The following SLC18B1 variants were observed in gnomAD, a reference collection of about 807,000 sequenced individuals.
SLC18B1 encodes solute carrier family 18 member B1.
Under a neutral mutation model 53.9 loss-of-function variants are expected in SLC18B1, and 62 were observed. The observed-to-expected ratio is 1.15, with a 90% CI of 0.94 to 1.42. SLC18B1 has a LOEUF of 1.42. Among genes scored for constraint, SLC18B1 ranks in the 40% most tolerant of loss-of-function variants. SLC18B1 has a pLI of 0.00. For missense variants in SLC18B1, 598 were observed against 547.3 expected, an observed-to-expected ratio of 1.09 and a Z score of -0.93; for synonymous variants, 217 against 200.9, an observed-to-expected ratio of 1.08 and a Z score of -0.68.
rs1245604810 is a variant in SLC18B1, at chr6:132,798,459, C to A, written c.-3G>T. ...TCCAGGTCACCCAGCGCCTCCATCC[C>A]CGGTGCGTGGACTCCGGCGCCCCAG... On this transcript the variant is annotated 5_prime_UTR_variant, in exon 1 of 14. Coordinates refer to ENST00000275227, the MANE Select transcript of SLC18B1 (RefSeq NM_052831.3). 11 of 1,519,466 alleles carry A rather than the reference C, an allele frequency of 7.2e-6. No individual in the cohort carries two copies. The highest frequency in any genetic ancestry group is 9.7e-6 in the Non-Finnish European group (11 of 1,129,750). 94.1% of individuals were successfully genotyped at this position (1,519,466 alleles called of 1,614,324 possible).
At position 132,773,098 on chromosome 6, in the gene SLC18B1, G is replaced by T. The variant is rs749874467; in HGVS notation, c.990-10C>A. 2.4e-5 allele frequency: 38 copies of T among 1,600,924 alleles called. No homozygotes were observed. The highest frequency in any genetic ancestry group is 5.1e-6 in the Non-Finnish European group (6 of 1,169,160). The stretch of plus-strand genomic sequence containing the variant: ...CAGCAGCCAGAGCTGACTGCAAAAG[G>T]GTTTTGGAGAAAACAAATACAAAAA... On this transcript the variant is annotated splice_polypyrimidine_tract_variant and intron_variant, in intron 9 of 13. Transcript: ENST00000275227.
At position 132,783,932 on chromosome 6, in the gene SLC18B1, C is replaced by G; in HGVS notation, c.658+1G>C. On this transcript the variant is annotated splice_donor_variant, in intron 6 of 13. Coordinates refer to ENST00000275227, the MANE Select transcript of SLC18B1 (RefSeq NM_052831.3). LOFTEE classifies it high-confidence loss of function. ...AAAATGAGTAATAAGTGTGGACTTA[C>G]CGTAATTGGGTAAAATATACATATT... 6.3e-7 allele frequency: 1 copy of G among 1,583,858 alleles called. No individual in the cohort carries two copies. The highest frequency in any genetic ancestry group is 1.8e-5 in the Admixed American group (1 of 54,494).
At chr6:132,783,073 C>A (rs1339262097) in intron 6 of SLC18B1, among the ~76,000 whole-genome samples, 1 of 152,052 alleles carries the variant, frequency 6.6e-6, no homozygotes, top group Admixed American at 6.6e-5. Context: ...CTGCGCCTAG[C>A]GAAATAATAA....
At position 132,773,120 on chromosome 6, in the gene SLC18B1, A is replaced by G. The variant is rs559279498; in HGVS notation, c.990-32T>C. ...AAGGGTTTTGGAGAAAACAAATACAAAAAGAAAAACATTAGCGTTTTAACA... is the reference window on the plus strand; with the variant it reads ...AAGGGTTTTGGAGAAAACAAATACAGAAAGAAAAACATTAGCGTTTTAACA... On this transcript the variant is annotated intron_variant, in intron 9 of 13. Transcript: ENST00000275227. 3.1e-5 allele frequency: 47 copies of G among 1,507,730 alleles called. No individual in the cohort carries two copies. In the South Asian group the frequency reaches 5.3e-4, roughly 17 times the overall value. 93.4% of individuals were successfully genotyped at this position (1,507,730 alleles called of 1,614,324 possible).
intron 11 of SLC18B1, 92 bp downstream of exon 11, chr6:132,772,040 C>T: frequency 1.2e-6 from 1 of 859,814 alleles, no homozygotes; most frequent in South Asian, 1.7e-5. Context: ...TGCAGTGAGC[C>T]AAGATCGCAC....
intron 4 of SLC18B1, among the ~76,000 whole-genome samples, chr6:132,788,886 A>T (rs1373827270): frequency 1.4e-5 from 2 of 138,026 alleles, no homozygotes; most frequent in Non-Finnish European, 3.1e-5. Context: ...AGAAGAAAGC[A>T]CCCAGTTTCG....
chr6:132,776,305 A>C, intron 8 of SLC18B1, 23 bp downstream of exon 8: 1 of 1,575,952 alleles, frequency 6.3e-7, no homozygotes, highest in South Asian at 1.1e-5. Flanking sequence ...AAAGTGACTC[A>C]AATATAAATT....
At position 132,770,206 on chromosome 6, in the gene SLC18B1, ACGG is replaced by A; in HGVS notation, c.*61_*63del. On this transcript the variant is annotated 3_prime_UTR_variant, in exon 14 of 14. Transcript: ENST00000275227. ...GCGTAAAATTTTAAAAACCCTTCCT[ACGG>A]TGATGTTTAAGGCCAGGAGCATTCA... 2 of 1,378,306 alleles carry A rather than the reference ACGG, an allele frequency of 1.5e-6. No homozygotes were observed. Among genetic ancestry groups the A allele is most frequent in the South Asian group, 2.4e-5 (2 of 83,760 alleles). 85.4% of individuals were successfully genotyped at this position (1,378,306 alleles called of 1,614,324 possible).
At chr6:132,775,687 T>A (rs1414097149) in intron 8 of SLC18B1, among the ~76,000 whole-genome samples, 1 of 152,198 alleles carries the variant, frequency 6.6e-6, no homozygotes, top group Non-Finnish European at 1.5e-5. Context: ...GAAGGGTTTT[T>A]TTTGTTTTGT....
intron 4 of SLC18B1, among the ~76,000 whole-genome samples, chr6:132,789,075 A>G (rs183571341): frequency 1.3e-3 from 200 of 152,244 alleles, no homozygotes; most frequent in Middle Eastern, 6.8e-3. Context: ...CCATGTACTT[A>G]TATAAGCTCT....
intron 2 of SLC18B1, among the ~76,000 whole-genome samples, chr6:132,793,559 A>C (rs1292972650): frequency 1.3e-5 from 2 of 152,196 alleles, no homozygotes; most frequent in East Asian, 3.9e-4. Flanking sequence ...GGATGAGTTG[A>C]AGACAGAGCA....
intron 2 of SLC18B1, among the ~76,000 whole-genome samples, chr6:132,793,015 G>C (rs1428675414): frequency 6.6e-6 from 1 of 152,168 alleles, no homozygotes; most frequent in Non-Finnish European, 1.5e-5. Flanking sequence ...CAGCTACTTG[G>C]GAGACTGAGG....
chr6:132,786,713 A>C (rs1422410007), intron 5 of SLC18B1, among the ~76,000 whole-genome samples: 1 of 152,144 alleles, frequency 6.6e-6, no homozygotes, highest in African/African-American at 2.4e-5. Flanking sequence ...GAACAATTAC[A>C]TGCTATAAGG....
chr6:132,772,185 T>C lies in SLC18B1; in HGVS notation c.1107A>G (p.Gly369=), dbSNP rs1384224740. 6.3e-7 allele frequency: 1 copy of C among 1,578,466 alleles called. No homozygotes were observed. The highest frequency in any genetic ancestry group is 8.6e-7 in the Non-Finnish European group (1 of 1,167,686). ...CTGATACAAGTCCCAATGTACTTAA[T>C]CCCTCTTCAAACCCATTTTCACTGC... ...SCAHENGFEE[G]LSTLGLVSGL... Residue 369 remains glycine, a synonymous_variant, in exon 11 of 14, where the codon GGA becomes GGG. Transcript: ENST00000275227.
chr6:132,792,080 T>C (rs1444856976), intron 2 of SLC18B1, among the ~76,000 whole-genome samples: 2 of 150,732 alleles, frequency 1.3e-5, no homozygotes, highest in African/African-American at 4.9e-5. Flanking sequence ...ATACAAAAAT[T>C]AGCCAGGTGT....
At chr6:132,792,308 G>A (rs1435714960) in intron 2 of SLC18B1, among the ~76,000 whole-genome samples, 1,681 of 49,378 alleles carry the variant, frequency 0.034, 25 homozygotes, top group Non-Finnish European at 0.039. Flanking sequence ...AGGAAGGAAG[G>A]AAGGAAGGAA....
At chr6:132,792,293 AAGGAAGGAAGGAAGG>A (rs1562271495) in intron 2 of SLC18B1, among the ~76,000 whole-genome samples, 63 of 82,288 alleles carry the variant, frequency 7.7e-4, no homozygotes, top group African/African-American at 8.4e-4. Context: ...GGAAGAAAGG[AAGGAAGGAAGGAAGG>A]AAGGAAGGAA....
At chr6:132,779,444 C>T (rs1781176825) in intron 6 of SLC18B1, 40 bp from the exon 7 acceptor site, 13 of 1,563,166 alleles carry the variant, frequency 8.3e-6, no homozygotes, top group Non-Finnish European at 1.0e-5. Flanking sequence ...AAAATGAAAG[C>T]AATTAAAATC....
intron 6 of SLC18B1, among the ~76,000 whole-genome samples, chr6:132,783,564 G>C (rs1781291717): frequency 2.6e-5 from 4 of 152,334 alleles, no homozygotes; most frequent in African/African-American, 9.6e-5. Flanking sequence ...ACAGCTGCAA[G>C]GACCACTGGG....
Sources: allele counts gnomAD v4.1 joint callset (sites outside exome capture counted in the v4.1 genomes callset), GRCh38; gene constraint gnomAD v4.1.1; transcripts MANE v1.5; gene names NCBI Gene and HGNC (gene_info 2026-07-23, HGNC 2026-07-21).